The following CENPP variants were observed in gnomAD, a reference collection of about 807,000 sequenced individuals.
CENPP encodes the protein centromere protein P.
In CENPP, 24 loss-of-function variants were observed where a neutral mutation model predicts 35.6. That is an observed-to-expected ratio of 0.67 (90% CI 0.49 to 0.95). The LOEUF (loss-of-function observed/expected upper bound fraction) is 0.95, where lower values mean the gene tolerates loss of function less well. Among genes scored for constraint, CENPP ranks in the 40% least tolerant of loss-of-function variants. CENPP has a pLI of 0.00. For missense variants in CENPP, 332 were observed against 345.3 expected (o/e 0.96, Z 0.31); for synonymous variants, 120 against 125.5 (o/e 0.96, Z 0.29).
At position 92,613,983 on chromosome 9, in the gene CENPP, A is replaced by G. The variant is rs933072188; in HGVS notation, c.*834A>G. 3 of 152,314 alleles carry G rather than the reference A, an allele frequency of 2.0e-5. No homozygotes were observed. Among genetic ancestry groups the G allele is most frequent in the African/African-American group, 4.8e-5 (2 of 41,462 alleles). 9.4% of individuals were successfully genotyped at this position (152,314 alleles called of 1,614,324 possible). ...GACGGGCCAGAAACGCATCCACAGC[A>G]GTGGCACCCGCGGCTCAGGGGCTCC... On this transcript the variant is annotated 3_prime_UTR_variant, in exon 8 of 8. Transcript: ENST00000375587.
rs1851562008 is a variant in CENPP at position 92,619,670 on chromosome 9, G to A, written c.*6521G>A. ...AGTGTGGGAACTGCTTCCTGCCTCA[G>A]AACCTGAGGGTGGGATTAGGAGCGA... is the stretch of plus-strand genomic sequence containing the variant. On this transcript the variant is annotated 3_prime_UTR_variant, in exon 8 of 8. Transcript: ENST00000375587. 1 of 1,035,664 alleles carries A rather than the reference G, an allele frequency of 9.7e-7. No individual in the cohort carries two copies. The highest frequency in any genetic ancestry group is 2.6e-5 in the East Asian group (1 of 38,220). 64.2% of individuals were successfully genotyped at this position (1,035,664 alleles called of 1,614,324 possible).
At chr9:92,480,361 G>C (rs532849935) in intron 5 of CENPP, among the ~76,000 whole-genome samples, 6 of 152,182 alleles carry the variant, frequency 3.9e-5, no homozygotes, top group Admixed American at 2.6e-4. Context: ...GGCAGTGAGC[G>C]TCCAGAACTG....
chr9:92,455,627 G>A (rs1844850908), intron 5 of CENPP, among the ~76,000 whole-genome samples: 1 of 152,100 alleles, frequency 6.6e-6, no homozygotes, highest in Admixed American at 6.6e-5. Context: ...TTGTATATCT[G>A]TAATGTTGTT....
chr9:92,467,695 T>A (rs546210515), intron 5 of CENPP, among the ~76,000 whole-genome samples: 1 of 152,362 alleles, frequency 6.6e-6, no homozygotes, highest in East Asian at 1.9e-4. Context: ...ATACACATTT[T>A]GGTTGCTCAG....
At chr9:92,549,348 T>C (rs1849537181) in intron 5 of CENPP, among the ~76,000 whole-genome samples, 1 of 152,184 alleles carries the variant, frequency 6.6e-6, no homozygotes, top group Admixed American at 6.5e-5. Flanking sequence ...AAGAATGATT[T>C]GAGTGAAAAC....
At chr9:92,392,620 G>A (rs574074250) in intron 5 of CENPP, among the ~76,000 whole-genome samples, 1 of 151,472 alleles carries the variant, frequency 6.6e-6, no homozygotes, top group East Asian at 1.9e-4. Flanking sequence ...ATGTCGGGTT[G>A]GGGGGAGGGG....
intron 5 of CENPP, among the ~76,000 whole-genome samples, chr9:92,597,876 A>G (rs962257348): frequency 7.9e-5 from 12 of 152,192 alleles, no homozygotes; most frequent in Non-Finnish European, 1.3e-4. Context: ...TCAGTTTTTT[A>G]TGGGTACATT....
At chr9:92,421,769 G>A (rs1843803241) in intron 5 of CENPP, among the ~76,000 whole-genome samples, 1 of 152,176 alleles carries the variant, frequency 6.6e-6, no homozygotes, top group African/African-American at 2.4e-5. Context: ...AGTCCCTTCT[G>A]TAAAGAGCAA....
chr9:92,607,501 C>T (rs1270474776), intron 5 of CENPP, among the ~76,000 whole-genome samples: 4 of 152,148 alleles, frequency 2.6e-5, no homozygotes, highest in African/African-American at 9.7e-5. Flanking sequence ...GTGATGGTTG[C>T]ACCACCTTGT....
chr9:92,568,226 C>G (rs566072074), intron 5 of CENPP, among the ~76,000 whole-genome samples: 98 of 151,366 alleles, frequency 6.5e-4, no homozygotes, highest in African/African-American at 2.3e-3. Flanking sequence ...CTAATGCTAT[C>G]CTTCCCCCTT....
At chr9:92,383,938 A>G (rs1468756998) in intron 5 of CENPP, 4 of 152,202 alleles carry the variant, frequency 2.6e-5, no homozygotes, top group African/African-American at 7.2e-5. Context: ...TAGTTTAAAG[A>G]TTCAATTTTT....
At chr9:92,335,600 A>G (rs948366662) in intron 2 of CENPP, among the ~76,000 whole-genome samples, 9 of 150,064 alleles carry the variant, frequency 6.0e-5, no homozygotes, top group African/African-American at 2.2e-4. Flanking sequence ...TTTGTTTTGC[A>G]TATGGATGTT....
At chr9:92,352,359 C>T (rs1226196261) in intron 4 of CENPP, among the ~76,000 whole-genome samples, 9 of 149,426 alleles carry the variant, frequency 6.0e-5, no homozygotes, top group Admixed American at 2.7e-4. Context: ...CAGAGCAAGA[C>T]ATCATCTGAA....
At chr9:92,473,453 C>T (rs1363852297) in intron 5 of CENPP, among the ~76,000 whole-genome samples, 1 of 152,140 alleles carries the variant, frequency 6.6e-6, no homozygotes, top group African/African-American at 2.4e-5. Flanking sequence ...TGGTAGGTAA[C>T]GTTTTTTCTT....
intron 4 of CENPP, among the ~76,000 whole-genome samples, chr9:92,379,464 A>G (rs144292218): frequency 6.6e-6 from 1 of 152,322 alleles, no homozygotes; most frequent in African/African-American, 2.4e-5. Context: ...TCTGTTCTTC[A>G]TTATTCTTTA....
chr9:92,329,465 A>C (rs1249348962), intron 1 of CENPP, among the ~76,000 whole-genome samples: 7 of 152,064 alleles, frequency 4.6e-5, no homozygotes, highest in African/African-American at 1.4e-4. Context: ...GGATTACGTG[A>C]GCCACCGTGC....
At chr9:92,517,355 C>A (rs575981818) in intron 5 of CENPP, 5 of 479,984 alleles carry the variant, frequency 1.0e-5, no homozygotes, top group African/African-American at 7.8e-5. Context: ...CACATATAGA[C>A]CAAAGCAGAG....
rs550898203 is a variant in CENPP at position 92,502,464 on chromosome 9, C to T, written c.565-108850C>T. The T allele has an allele frequency of 2.5e-4, 392 of 1,591,028 alleles. 8 individuals carry two copies. The South Asian group carries it at 3.7e-3, about 15-fold the overall frequency. ...GTTTCCATACTCTGTTTAATAATAGCGAGAGGAAGAAATAGTTCAATAAAA... is the reference window on the plus strand; with the variant it reads ...GTTTCCATACTCTGTTTAATAATAGTGAGAGGAAGAAATAGTTCAATAAAA... On this transcript the variant is annotated intron_variant, in intron 5 of 7. Coordinates refer to ENST00000375587, the MANE Select transcript of CENPP (RefSeq NM_001012267.3).
intron 5 of CENPP, among the ~76,000 whole-genome samples, chr9:92,607,586 A>G (rs151334019): frequency 6.6e-6 from 1 of 152,342 alleles, no homozygotes; most frequent in Non-Finnish European, 1.5e-5. Context: ...ATTTATCTCA[A>G]TTCTTTAAAA....
Sources: gnomAD v4.1 joint callset for allele counts (sites outside exome capture counted in the v4.1 genomes callset) on GRCh38, gnomAD v4.1.1 for gene constraint, MANE v1.5 for transcripts, NCBI Gene and HGNC (gene_info 2026-07-23, HGNC 2026-07-21) for gene names.